Variants in PRKCE observed in about 807,000 individuals in gnomAD.
PRKCE encodes the protein protein kinase C epsilon, also known as protein kinase C epsilon type.
In PRKCE, 16 loss-of-function variants were observed where a neutral mutation model predicts 85.4. The observed-to-expected ratio is 0.19, with a 90% confidence interval of 0.13 to 0.28. The LOEUF (loss-of-function observed/expected upper bound fraction) is 0.28, where lower values mean the gene tolerates loss of function less well. Ranked by LOEUF, PRKCE falls within the 10% of genes least tolerant of loss-of-function variation. The pLI is 1.00. For missense variants in PRKCE, 573 were observed against 975.2 expected (o/e 0.59, Z 5.49); for synonymous variants, 388 against 371.5 (o/e 1.04, Z -0.51).
At chr2:45,682,759 G>A (rs1454420993) in intron 1 of PRKCE, among the ~76,000 whole-genome samples, 3 of 152,088 alleles carry the variant, frequency 2.0e-5, no homozygotes, top group African/African-American at 7.2e-5. Context: ...GCTATTTTTG[G>A]TATTTTTAGT....
intron 1 of PRKCE, among the ~76,000 whole-genome samples, chr2:45,734,325 A>G (rs1317147203): frequency 1.3e-5 from 2 of 151,810 alleles, no homozygotes; most frequent in African/African-American, 4.8e-5. Context: ...AGATGGCGCT[A>G]CTGCACTCCA....
rs1006593990 is a variant in PRKCE, at chr2:46,186,948, G to C, written c.*2067G>C. The C allele has an allele frequency of 7.9e-5, 12 of 152,376 alleles. No individual in the cohort carries two copies. Among genetic ancestry groups the C allele is most frequent in the African/African-American group, 2.7e-4 (11 of 41,288 alleles). The allele number at this position is 152,376 out of a possible 1,614,324, so 9.4% of individuals were successfully genotyped here. On this transcript the variant is annotated 3_prime_UTR_variant, in exon 15 of 15. Coordinates refer to ENST00000306156, the MANE Select transcript of PRKCE (RefSeq NM_005400.3). Reference sequence around the variant, plus strand: ...ATCAATTCATGTGTTTGGCATACCAGTGAATGATGAAGAACATGAGATTAA... The same window carrying C: ...ATCAATTCATGTGTTTGGCATACCACTGAATGATGAAGAACATGAGATTAA...
chr2:45,727,605 C>T (rs1681187478), intron 1 of PRKCE, among the ~76,000 whole-genome samples: 1 of 152,152 alleles, frequency 6.6e-6, no homozygotes, highest in African/African-American at 2.4e-5. Flanking sequence ...CTTGCCATTG[C>T]ATTGGTTGGA....
At chr2:45,678,824 A>T (rs1396087134) in intron 1 of PRKCE, among the ~76,000 whole-genome samples, 1 of 152,212 alleles carries the variant, frequency 6.6e-6, no homozygotes, top group Non-Finnish European at 1.5e-5. Context: ...AACTTAAAGC[A>T]AGTATAATGA....
At position 45,774,023 on chromosome 2, in the gene PRKCE, T is replaced by C. The variant is rs1290287097; in HGVS notation, c.349-68977T>C. ...GCTGTCTGCCACATCAGGTTAGAAG[T>C]AGAAATTTCCTTCTAGACCCCAGAG... On this transcript the variant is annotated intron_variant, in intron 1 of 14. Transcript: ENST00000306156. This position sits in a 1 kb window ranked among gnomAD's most constrained non-coding sequence, Gnocchi z 4.3. Among the ~76,000 whole-genome samples the C allele has an allele frequency of 6.6e-6, 1 of 152,164 alleles. No homozygotes were observed. The highest frequency in any genetic ancestry group is 1.9e-4 in the East Asian group (1 of 5,196).
chr2:45,975,721 C>A (rs989685653), intron 2 of PRKCE, among the ~76,000 whole-genome samples: 1 of 152,234 alleles, frequency 6.6e-6, no homozygotes, highest in African/African-American at 2.4e-5. Flanking sequence ...AGTCTCAGAA[C>A]TGGAGGGAAG....
intron 14 of PRKCE, among the ~76,000 whole-genome samples, chr2:46,183,677 T>C (rs1255816317): frequency 2.0e-5 from 3 of 152,222 alleles, no homozygotes; most frequent in Admixed American, 2.0e-4. Flanking sequence ...ATGCATCTTT[T>C]GTCTTCCTGT....
At chr2:46,137,447 A>G (rs1166688735) in intron 11 of PRKCE, among the ~76,000 whole-genome samples, 1 of 152,174 alleles carries the variant, frequency 6.6e-6, no homozygotes, top group Non-Finnish European at 1.5e-5. Flanking sequence ...ACATTGCTAG[A>G]GACATGAACA....
chr2:46,078,827 C>T (rs1383344203), intron 10 of PRKCE: 1 of 152,226 alleles, frequency 6.6e-6, no homozygotes, highest in Non-Finnish European at 1.5e-5. Flanking sequence ...TCAGCTTTAT[C>T]TGAAACAAAT....
At chr2:45,828,105 C>A (rs1011688163) in intron 1 of PRKCE, among the ~76,000 whole-genome samples, 1 of 152,160 alleles carries the variant, frequency 6.6e-6, no homozygotes, top group African/African-American at 2.4e-5. Flanking sequence ...ATGAAGTCTG[C>A]TGTTATGACA....
At chr2:45,991,786 C>T (rs978062227) in intron 6 of PRKCE, among the ~76,000 whole-genome samples, 2 of 152,204 alleles carry the variant, frequency 1.3e-5, no homozygotes, top group African/African-American at 4.8e-5. Context: ...GGCACTTTTA[C>T]TTGTTTGCTT....
At chr2:45,916,618 T>C (rs1004958444) in intron 2 of PRKCE, among the ~76,000 whole-genome samples, 1 of 152,248 alleles carries the variant, frequency 6.6e-6, no homozygotes, top group African/African-American at 2.4e-5. Flanking sequence ...TCCTCTCAAA[T>C]TGAGTATTTC....
intron 2 of PRKCE, among the ~76,000 whole-genome samples, chr2:45,919,698 C>A (rs1228334662): frequency 6.6e-6 from 1 of 152,226 alleles, no homozygotes; most frequent in Non-Finnish European, 1.5e-5. Flanking sequence ...CCAACCTTTT[C>A]TTGGAAAATC....
At chr2:45,689,901 C>CAAAAAA (rs559521203) in intron 1 of PRKCE, among the ~76,000 whole-genome samples, 1 of 82,016 alleles carries the variant, frequency 1.2e-5, no homozygotes, top group Non-Finnish European at 2.6e-5. Flanking sequence ...GACTCCATCT[C>CAAAAAA]AAAAAAAAAA....
chr2:46,117,313 C>G (rs1407757500), intron 11 of PRKCE, among the ~76,000 whole-genome samples: 1 of 152,202 alleles, frequency 6.6e-6, no homozygotes, highest in Non-Finnish European at 1.5e-5. Flanking sequence ...ACATGCCTCT[C>G]TAGGTTTTTA....
chr2:46,057,939 G>A (rs72876182), intron 10 of PRKCE, among the ~76,000 whole-genome samples: 5,673 of 152,250 alleles, frequency 0.037, 314 homozygotes, highest in African/African-American at 0.12. Flanking sequence ...ACTAACTGAA[G>A]TGAAGGAAAG....
chr2:45,752,070 G>A (rs546600617), intron 1 of PRKCE, among the ~76,000 whole-genome samples: 1 of 151,552 alleles, frequency 6.6e-6, no homozygotes, highest in African/African-American at 2.4e-5. Flanking sequence ...GCCCGCCTCG[G>A]CCTTCCAAAG....
intron 1 of PRKCE, among the ~76,000 whole-genome samples, chr2:45,799,308 AT>A (rs1687678922): frequency 6.6e-6 from 1 of 152,246 alleles, no homozygotes; most frequent in Admixed American, 6.5e-5. Flanking sequence ...GATCTAAAGA[AT>A]TACACAAGGA....
At chr2:46,039,271 T>C (rs997906434) in intron 10 of PRKCE, among the ~76,000 whole-genome samples, 3 of 152,224 alleles carry the variant, frequency 2.0e-5, no homozygotes, top group African/African-American at 7.2e-5. Context: ...CATCTCTTGC[T>C]CACCTGCTTC....
Sources: allele counts gnomAD v4.1 joint callset (sites outside exome capture counted in the v4.1 genomes callset), GRCh38; gene constraint gnomAD v4.1.1; non-coding constraint Gnocchi (gnomAD v3.1); transcripts MANE v1.5; gene names NCBI Gene and HGNC (gene_info 2026-07-23, HGNC 2026-07-21).